The following ACTN1 variants were observed in gnomAD, a reference collection of about 807,000 sequenced individuals.
The protein encoded by ACTN1 is alpha-actinin-1.
Under a neutral mutation model 119.6 loss-of-function variants are expected in ACTN1, and 30 were observed. That is an observed-to-expected ratio of 0.25 (90% CI 0.19 to 0.34). ACTN1 has a LOEUF of 0.34. Ranked by LOEUF, ACTN1 falls within the 10% of genes least tolerant of loss-of-function variation. The probability of loss-of-function intolerance (pLI) is 1.00; values close to 1 mark genes in which losing one functional copy is unlikely to be tolerated. For missense variants in ACTN1, 764 were observed against 1,223.4 expected (o/e 0.62, Z 5.60); for synonymous variants, 429 against 472.6 (o/e 0.91, Z 1.20).
intron 1 of ACTN1, among the ~76,000 whole-genome samples, chr14:68,931,110 T>C (rs906071160): frequency 1.3e-5 from 2 of 152,152 alleles, no homozygotes; most frequent in African/African-American, 2.4e-5. Context: ...GGGTGGGTGC[T>C]GGAAGGGAAC....
At chr14:68,976,680 G>C (rs1380640862) in intron 1 of ACTN1, among the ~76,000 whole-genome samples, 1 of 152,198 alleles carries the variant, frequency 6.6e-6, no homozygotes, top group Admixed American at 6.5e-5. Flanking sequence ...TGCCAAGGAG[G>C]GACAAGTGAG....
At chr14:68,963,052 C>T (rs2036590045) in intron 1 of ACTN1, among the ~76,000 whole-genome samples, 1 of 152,188 alleles carries the variant, frequency 6.6e-6, no homozygotes, top group African/African-American at 2.4e-5. Flanking sequence ...CCCCTCCCTC[C>T]CCAGAACTTT....
At chr14:68,936,896 C>T in intron 1 of ACTN1, 1 of 569,472 alleles carries the variant, frequency 1.8e-6, no homozygotes, top group Non-Finnish European at 3.5e-6. Flanking sequence ...AATCCCCAGC[C>T]CTCATCCAGA....
At chr14:68,951,477 A>G (rs1345420458) in intron 1 of ACTN1, among the ~76,000 whole-genome samples, 1 of 152,200 alleles carries the variant, frequency 6.6e-6, no homozygotes, top group Non-Finnish European at 1.5e-5. Flanking sequence ...CTCAACTCCC[A>G]ACATAAATGC....
chr14:68,878,622 C>CG lies in ACTN1; in HGVS notation c.2362-100dup. ...GGAAGACAGGAACAGATGGCCAGAACGGGGATGAGATTTATGGTTTTGGGG... is the reference window on the plus strand; with the variant it reads ...GGAAGACAGGAACAGATGGCCAGAACGGGGGATGAGATTTATGGTTTTGGGG... On this transcript the variant is annotated intron_variant, in intron 19 of 21. Coordinates refer to ENST00000394419, the MANE Select transcript of ACTN1 (RefSeq NM_001130004.2). The surrounding 1 kb of genome is among the most constrained non-coding windows in gnomAD (Gnocchi z 4.4). 6.4e-7 allele frequency: 1 copy of CG among 1,574,716 alleles called. No individual in the cohort carries two copies.
At chr14:68,924,751 A>T (rs2034835435) in intron 2 of ACTN1, among the ~76,000 whole-genome samples, 1 of 152,258 alleles carries the variant, frequency 6.6e-6, no homozygotes, top group African/African-American at 2.4e-5. Flanking sequence ...TAAAAGAAGG[A>T]CTGAGAAGAA....
intron 10 of ACTN1, among the ~76,000 whole-genome samples, chr14:68,890,680 A>T (rs909143716): frequency 6.6e-6 from 1 of 152,226 alleles, no homozygotes; most frequent in Admixed American, 6.5e-5. Flanking sequence ...AACAATGTGC[A>T]ATGAGGCAAG....
intron 1 of ACTN1, among the ~76,000 whole-genome samples, chr14:68,964,238 C>T (rs775479186): frequency 1.4e-4 from 21 of 152,200 alleles, no homozygotes; most frequent in Admixed American, 9.8e-4. Context: ...AGGCAGCAAG[C>T]AGCTGCAGGA....
chr14:68,947,873 G>A (rs1207226119), intron 1 of ACTN1, among the ~76,000 whole-genome samples: 1 of 152,182 alleles, frequency 6.6e-6, no homozygotes, highest in African/African-American at 2.4e-5. Context: ...CTGGAGTGAG[G>A]GGCTCCAAGG....
At chr14:68,907,240 C>T (rs1167913770) in intron 6 of ACTN1, among the ~76,000 whole-genome samples, 10 of 124,570 alleles carry the variant, frequency 8.0e-5, no homozygotes, top group East Asian at 2.3e-4. Flanking sequence ...CCAGCCTGGG[C>T]GACACAGCAA....
chr14:68,943,709 C>T lies in ACTN1; in HGVS notation c.106-18037G>A, dbSNP rs2035839749. Among the ~76,000 whole-genome samples, 6 of 152,196 alleles carry T rather than the reference C, an allele frequency of 3.9e-5. No individual in the cohort carries two copies. The South Asian group carries it at 1.2e-3, about 31-fold the overall frequency. On this transcript the variant is annotated intron_variant, in intron 1 of 21. Transcript: ENST00000394419. ...TTATAACCCTCAGTGAGTGCTCACT[C>T]ACTGTTATCATCACCCACGAGGCAT... is the stretch of plus-strand genomic sequence containing the variant.
chr14:68,890,197 C>A lies in ACTN1; in HGVS notation c.1176G>T (p.Leu392=). The change falls in exon 11 of 22, where the codon CTG becomes CTT. Residue 392 remains leucine (L), a synonymous_variant. Transcript: ENST00000394419. ...LLNEIRRLER[L]DHLAEKFRQK... ...GCCGGAACTTCTCTGCCAGGTGGTC[C>A]AGTCGCTCCAGCCTCCGGATCTCAT... The A allele has an allele frequency of 6.2e-7, 1 of 1,614,198 alleles. No homozygotes were observed. Among genetic ancestry groups the A allele is most frequent in the Non-Finnish European group, 8.5e-7 (1 of 1,180,042 alleles).
intron 1 of ACTN1, among the ~76,000 whole-genome samples, chr14:68,930,722 C>T (rs1456541005): frequency 6.6e-6 from 1 of 152,114 alleles, no homozygotes; most frequent in Non-Finnish European, 1.5e-5. Flanking sequence ...CTTAAGGCAC[C>T]ATCTGTAAAA....
Position 68,882,905 on chromosome 14 carries a change from T to C in ACTN1, c.1786A>G (p.Thr596Ala), listed in dbSNP as rs1566593973. 6.2e-7 allele frequency: 1 copy of C among 1,614,046 alleles called. No homozygotes were observed. The highest frequency in any genetic ancestry group is 8.5e-7 in the Non-Finnish European group (1 of 1,180,010). The change falls in exon 15 of 22, where the codon ACG (threonine) becomes GCG (alanine). Residue 596 changes from threonine (T) to alanine (A), a missense_variant. By Grantham distance (58) the Thr-to-Ala change is moderately conservative. Around this residue, in one of 4 missense-constraint regions of ACTN1, gnomAD observed 544 missense variants for 912.0 expected, o/e 0.60. Transcript: ENST00000394419. The surrounding 1 kb of genome is among the most constrained non-coding windows in gnomAD (Gnocchi z 4.5). The stretch of plus-strand genomic sequence containing the variant: ...CATTTGCCATTGATCTCCTGAGGCG[T>C]GATGGTTGTGTAGGGGTTGGTGCCC... ...MAGTNPYTTI[T>A]PQEINGKWDH...
chr14:68,908,353 G>A (rs1480025492), intron 6 of ACTN1, among the ~76,000 whole-genome samples: 1 of 152,134 alleles, frequency 6.6e-6, no homozygotes, highest in Non-Finnish European at 1.5e-5. Context: ...AACCTCTCCT[G>A]GCCACTGAGA....
Position 68,880,823 on chromosome 14 carries a change from T to C in ACTN1, c.2120A>G (p.Asn707Ser), listed in dbSNP as rs7157661. ...EALIFDNKHTNYTMEHIRVGW... is the reference protein window; with the variant it reads ...EALIFDNKHTSYTMEHIRVGW... The stretch of plus-strand genomic sequence containing the variant: ...AGCCCCACCCACCTCCATGGTGTAG[T>C]TGGTGTGCTTGTTGTCGAAGATGAG... The change falls in exon 17 of 22, where the codon AAC (asparagine) becomes AGC (serine). Residue 707 changes from asparagine (N) to serine (S), a missense_variant. Around this residue, in one of 4 missense-constraint regions of ACTN1, gnomAD observed 544 missense variants for 912.0 expected, o/e 0.60. Coordinates refer to ENST00000394419, the MANE Select transcript of ACTN1 (RefSeq NM_001130004.2). The surrounding 1 kb of genome is among the most constrained non-coding windows in gnomAD (Gnocchi z 4.6). The C allele has an allele frequency of 3.7e-6, 6 of 1,614,038 alleles. No individual in the cohort carries two copies. The highest frequency in any genetic ancestry group is 1.7e-4 in the Middle Eastern group (1 of 6,048).
chr14:68,919,666 G>A (rs923924923), intron 3 of ACTN1, among the ~76,000 whole-genome samples: 1 of 152,156 alleles, frequency 6.6e-6, no homozygotes, highest in African/African-American at 2.4e-5. Flanking sequence ...AATCCATAAG[G>A]CACCTTGCGT....
chr14:68,900,396 CTCTGG>C (rs2033233310), intron 8 of ACTN1, among the ~76,000 whole-genome samples: 1 of 151,998 alleles, frequency 6.6e-6, no homozygotes, highest in African/African-American at 2.4e-5. Flanking sequence ...TCAGGCAGGG[CTCTGG>C]TCTGGACTCC....
rs192681069 is a variant in ACTN1 at position 68,954,830 on chromosome 14, T to C, written c.105+24122A>G. Among the ~76,000 whole-genome samples, 5 of 152,334 alleles carry C rather than the reference T, an allele frequency of 3.3e-5. No homozygotes were observed. In the East Asian group the frequency reaches 5.8e-4, roughly 18 times the overall value. ...CACATCACTCGCTCTATTAGAACCT[T>C]GCCCTGGTCAGACTTTTTTTCTTTT... On this transcript the variant is annotated intron_variant, in intron 1 of 21. Transcript: ENST00000394419.
Sources: allele counts gnomAD v4.1 joint callset (sites outside exome capture counted in the v4.1 genomes callset), GRCh38; gene constraint gnomAD v4.1.1; regional missense constraint gnomAD v4.1.1; non-coding constraint Gnocchi (gnomAD v3.1); transcripts MANE v1.5; gene names NCBI Gene and HGNC (gene_info 2026-07-23, HGNC 2026-07-21).